SNTG2: variants seen among roughly 807,000 people sequenced by gnomAD.
SNTG2 encodes the protein syntrophin gamma 2.
In SNTG2, 74 loss-of-function variants were observed where a neutral mutation model predicts 70.9. That is an observed-to-expected ratio of 1.04 (90% CI 0.86 to 1.27). The LOEUF is 1.27. SNTG2 is among the 50% of genes most tolerant of loss of function. The pLI, the probability that SNTG2 is intolerant of heterozygous loss-of-function variation, is 0.00. For synonymous variants in SNTG2, 278 were observed against 273.8 expected (o/e 1.02, Z -0.15); for missense variants, 717 against 690.7 (o/e 1.04, Z -0.43).
At chr2:1,136,480 A>G (rs1234139307) in intron 4 of SNTG2, among the ~76,000 whole-genome samples, 1 of 152,174 alleles carries the variant, frequency 6.6e-6, no homozygotes, top group Non-Finnish European at 1.5e-5. Flanking sequence ...ATCGCTTAAC[A>G]TCAGTACCAT....
chr2:1,229,044 T>G (rs575250840), intron 9 of SNTG2, among the ~76,000 whole-genome samples: 1 of 152,258 alleles, frequency 6.6e-6, no homozygotes, highest in African/African-American at 2.4e-5. Context: ...GTGATGAGTG[T>G]TACAGCTCAT....
intron 16 of SNTG2, among the ~76,000 whole-genome samples, chr2:1,365,533 T>C (rs76053187): frequency 0.72 from 109,540 of 151,862 alleles, 39,812 homozygotes; most frequent in East Asian, 0.94. Context: ...TGTGTATCCC[T>C]GCATGGGGTG....
chr2:1,182,257 A>T (rs1671954979), intron 8 of SNTG2, among the ~76,000 whole-genome samples: 1 of 151,880 alleles, frequency 6.6e-6, no homozygotes, highest in Non-Finnish European at 1.5e-5. Context: ...TGTGGGACTC[A>T]CTAGTTTTCC....
chr2:1,116,636 G>T (rs1033338737), intron 4 of SNTG2, among the ~76,000 whole-genome samples: 1 of 146,568 alleles, frequency 6.8e-6, no homozygotes, highest in African/African-American at 2.6e-5. Flanking sequence ...GTGTGTGGGT[G>T]CTCCAGTGTA....
chr2:1,231,056 G>A (rs1360429002), intron 9 of SNTG2, among the ~76,000 whole-genome samples: 1 of 149,656 alleles, frequency 6.7e-6, no homozygotes, highest in African/African-American at 2.5e-5. Context: ...GTCACTGCGA[G>A]GGTGAAATAG....
intron 10 of SNTG2, among the ~76,000 whole-genome samples, chr2:1,239,473 G>A (rs1676909004): frequency 6.6e-6 from 1 of 152,206 alleles, no homozygotes; most frequent in South Asian, 2.1e-4. Context: ...TCAGATATTG[G>A]AATTTAAGCA....
chr2:1,217,081 T>TA (rs2148012639), intron 9 of SNTG2, among the ~76,000 whole-genome samples: 1 of 152,254 alleles, frequency 6.6e-6, no homozygotes, highest in African/African-American at 2.4e-5. Context: ...GTTAAGTAAT[T>TA]AGACCAATGA....
At chr2:973,899 T>C (rs1288006405) in intron 1 of SNTG2, among the ~76,000 whole-genome samples, 1 of 152,180 alleles carries the variant, frequency 6.6e-6, no homozygotes. Flanking sequence ...CTTTTTTTGC[T>C]CAGATTTTCC....
chr2:1,288,281 CAG>C (rs1679848487), intron 14 of SNTG2, among the ~76,000 whole-genome samples: 1 of 152,176 alleles, frequency 6.6e-6, no homozygotes, highest in Non-Finnish European at 1.5e-5. Context: ...CTAGACCACT[CAG>C]AGCAATGTGT....
intron 16 of SNTG2, among the ~76,000 whole-genome samples, chr2:1,319,210 C>T (rs1681417622): frequency 6.6e-6 from 1 of 152,228 alleles, no homozygotes; most frequent in African/African-American, 2.4e-5. Context: ...ACCGGCATCG[C>T]TGCCTTGTGA....
At chr2:1,322,666 C>T (rs948085193) in intron 16 of SNTG2, among the ~76,000 whole-genome samples, 3 of 152,000 alleles carry the variant, frequency 2.0e-5, no homozygotes, top group Non-Finnish European at 4.4e-5. Context: ...TCCTTCTACC[C>T]TTCTGGTGCA....
chr2:982,229 T>TA, intron 1 of SNTG2, among the ~76,000 whole-genome samples: 1 of 152,370 alleles, frequency 6.6e-6, no homozygotes, highest in East Asian at 1.9e-4. Flanking sequence ...TTATTTTTTT[T>TA]AATGATGCAA....
intron 1 of SNTG2, among the ~76,000 whole-genome samples, chr2:954,700 C>T (rs1427595953): frequency 6.6e-6 from 1 of 152,184 alleles, no homozygotes; most frequent in Non-Finnish European, 1.5e-5. Context: ...AGGACTGACC[C>T]CAGCCTGTGG....
At position 1,018,994 on chromosome 2, in the gene SNTG2, A is replaced by G. The variant is rs1200796174; in HGVS notation, c.73-64524A>G. Among the ~76,000 whole-genome samples the G allele has an allele frequency of 2.0e-5, 3 of 152,220 alleles. No individual in the cohort carries two copies. The South Asian group carries it at 6.2e-4, about 32-fold the overall frequency. On this transcript the variant is annotated intron_variant, in intron 1 of 16. Coordinates refer to ENST00000308624, the MANE Select transcript of SNTG2 (RefSeq NM_018968.4). Reference sequence around the variant, plus strand: ...CCCACTTGATGAGAATACAGCACGCATGCAGAGCTCTATCTACAGTGCTGA... The same window carrying G: ...CCCACTTGATGAGAATACAGCACGCGTGCAGAGCTCTATCTACAGTGCTGA...
At chr2:988,290 A>G (rs888658667) in intron 1 of SNTG2, among the ~76,000 whole-genome samples, 4 of 152,214 alleles carry the variant, frequency 2.6e-5, no homozygotes, top group African/African-American at 4.8e-5. Context: ...GATCAAGATT[A>G]GACACTCATG....
chr2:1,289,761 G>A (rs1024367459), intron 14 of SNTG2, among the ~76,000 whole-genome samples: 6 of 152,136 alleles, frequency 3.9e-5, no homozygotes, highest in African/African-American at 7.2e-5. Flanking sequence ...TTGCAAAGCC[G>A]AAGCTCCATT....
intron 8 of SNTG2, among the ~76,000 whole-genome samples, chr2:1,195,503 TG>T (rs1323421836): frequency 1.3e-5 from 2 of 152,264 alleles, no homozygotes; most frequent in African/African-American, 4.8e-5. Context: ...ATATGGTTGT[TG>T]GCTGCATAAA....
At chr2:1,320,415 C>T (rs946386431) in intron 16 of SNTG2, among the ~76,000 whole-genome samples, 5 of 151,192 alleles carry the variant, frequency 3.3e-5, no homozygotes, top group Non-Finnish European at 7.4e-5. Flanking sequence ...ACCTGTAGTC[C>T]CAGCTACTCA....
chr2:1,187,488 G>A (rs1269584926), intron 8 of SNTG2, among the ~76,000 whole-genome samples: 1 of 152,098 alleles, frequency 6.6e-6, no homozygotes, highest in Non-Finnish European at 1.5e-5. Context: ...CCAGCCTGCT[G>A]GCCCATCCCT....
Sources: gnomAD v4.1 joint callset for allele counts (sites outside exome capture counted in the v4.1 genomes callset) on GRCh38, gnomAD v4.1.1 for gene constraint, MANE v1.5 for transcripts, NCBI Gene and HGNC (gene_info 2026-07-23, HGNC 2026-07-21) for gene names.